The following ATXN10 variants were observed in gnomAD, a reference collection of about 807,000 sequenced individuals.
ATXN10 encodes ataxin 10, also known as ataxin-10.
A neutral mutation model predicts 52.9 loss-of-function variants in ATXN10; 28 were observed. The ratio of observed to expected loss-of-function variants is 0.53; its 90% CI spans 0.39 to 0.73. ATXN10 has a LOEUF of 0.73. Among genes scored for constraint, ATXN10 ranks in the 30% least tolerant of loss-of-function variants. The pLI is 0.00. For synonymous variants in ATXN10, 226 were observed against 221.5 expected (o/e 1.02, Z -0.18); for missense variants, 565 against 577.0 (o/e 0.98, Z 0.21).
At position 45,681,361 on chromosome 22, in the gene ATXN10, C is replaced by A. The variant is rs1179305723; in HGVS notation, c.117-8351C>A. On this transcript the variant is annotated intron_variant, in intron 1 of 11. Coordinates refer to ENST00000252934, the MANE Select transcript of ATXN10 (RefSeq NM_013236.4). The surrounding 1 kb of genome is among the most constrained non-coding windows in gnomAD (Gnocchi z 4.2). ...TGCCTTCCCCCACAATCTCGAGTCC[C>A]AATCCCTGTTTTATCTTCTCTTTAG... Among the ~76,000 whole-genome samples, 1 of 152,122 alleles carries A rather than the reference C, an allele frequency of 6.6e-6. No individual in the cohort carries two copies. Among genetic ancestry groups the A allele is most frequent in the African/African-American group, 2.4e-5 (1 of 41,422 alleles).
Position 45,750,771 on chromosome 22 carries a change from T to C in ATXN10, c.1173+10233T>C, listed in dbSNP as rs766419945. Among the ~76,000 whole-genome samples, 4 of 152,298 alleles carry C rather than the reference T, an allele frequency of 2.6e-5. No individual in the cohort carries two copies. The highest frequency in any genetic ancestry group is 2.0e-4 in the Admixed American group (3 of 15,298). On this transcript the variant is annotated intron_variant, in intron 9 of 11. Coordinates refer to ENST00000252934, the MANE Select transcript of ATXN10 (RefSeq NM_013236.4). This position sits in a 1 kb window ranked among gnomAD's most constrained non-coding sequence, Gnocchi z 4.2. The stretch of plus-strand genomic sequence containing the variant: ...TTCCAAACAGACCCAGGAGAAGTTA[T>C]ACGAATTTACCATGTGATAAGGATA...
chr22:45,804,675 A>G (rs1928040245), intron 9 of ATXN10, among the ~76,000 whole-genome samples: 1 of 152,264 alleles, frequency 6.6e-6, no homozygotes, highest in Non-Finnish European at 1.5e-5. Flanking sequence ...ACTTTATTTT[A>G]TATTTCATTA....
At position 45,681,601 on chromosome 22, in the gene ATXN10, T is replaced by C. The variant is rs1249877103; in HGVS notation, c.117-8111T>C. On this transcript the variant is annotated intron_variant, in intron 1 of 11. Coordinates refer to ENST00000252934, the MANE Select transcript of ATXN10 (RefSeq NM_013236.4). The surrounding 1 kb of genome is among the most constrained non-coding windows in gnomAD (Gnocchi z 4.2). ...TCTAAACTTTGTTATGTTTGCCTGG[T>C]AAAACTCCAGCTCTGGTCAAATCCA... Among the ~76,000 whole-genome samples the C allele has an allele frequency of 1.3e-5, 2 of 152,196 alleles. No homozygotes were observed. The highest frequency in any genetic ancestry group is 3.8e-4 in the East Asian group (2 of 5,198).
In ATXN10 at chr22:45,844,700, T is replaced by C. The variant is rs548291160; in HGVS notation, c.*1029T>C. On this transcript the variant is annotated 3_prime_UTR_variant, in exon 12 of 12. Coordinates refer to ENST00000252934, the MANE Select transcript of ATXN10 (RefSeq NM_013236.4). ...AAAGCTCTAGGGGGAGGTCACGTTG[T>C]GAATGCTTAAAACATATTATTTTCT... The C allele has an allele frequency of 1.3e-5, 2 of 152,342 alleles. No homozygotes were observed. The allele number at this position is 152,342 out of a possible 1,614,324, so 9.4% of individuals were successfully genotyped here. A position where few individuals can be genotyped will look rare whatever the true frequency, so the allele number is the denominator to read the frequency against.
In ATXN10 at chr22:45,726,424, C is replaced by A. The variant is rs967261152; in HGVS notation, c.729-3001C>A. Among the ~76,000 whole-genome samples the A allele has an allele frequency of 2.0e-5, 3 of 152,224 alleles. No individual in the cohort carries two copies. The South Asian group carries it at 6.2e-4, about 32-fold the overall frequency. On this transcript the variant is annotated intron_variant, in intron 6 of 11. Transcript: ENST00000252934. ...GTTTCCAGAGATTTGTTCATTTCCT[C>A]TAAATTTTCTTGTTTGTTTGCACAA... is the stretch of plus-strand genomic sequence containing the variant.
At chr22:45,679,615 A>G (rs1395686233) in intron 1 of ATXN10, 1 of 152,250 alleles carries the variant, frequency 6.6e-6, no homozygotes, top group African/African-American at 2.4e-5. Context: ...CCCAAAAAAC[A>G]AAAACCCACA....
Position 45,823,054 on chromosome 22 carries a change from T to A in ATXN10, c.1237+16032T>A, listed in dbSNP as rs1928703776. 14 of 388,042 alleles carry A rather than the reference T, an allele frequency of 3.6e-5. No individual in the cohort carries two copies. Among genetic ancestry groups the A allele is most frequent in the South Asian group, 2.8e-4 (14 of 50,272 alleles). The allele number at this position is 388,042 out of a possible 1,614,324, so 24.0% of individuals were successfully genotyped here. A position where few individuals can be genotyped will look rare whatever the true frequency, so the allele number is the denominator to read the frequency against. ...TCCTCATGGTGTCTTATTATTTCAT[T>A]GAGGTATAACTTAAATAGAGTAAAC... On this transcript the variant is annotated intron_variant, in intron 10 of 11. Coordinates refer to ENST00000252934, the MANE Select transcript of ATXN10 (RefSeq NM_013236.4). The surrounding 1 kb of genome is among the most constrained non-coding windows in gnomAD (Gnocchi z 4.9).
At chr22:45,756,423 C>T (rs1184081657) in intron 9 of ATXN10, among the ~76,000 whole-genome samples, 1 of 151,686 alleles carries the variant, frequency 6.6e-6, no homozygotes, top group East Asian at 2.0e-4. Context: ...GAATTATAGG[C>T]ATGAGCCACC....
rs1035423990 is a variant in ATXN10 at position 45,786,647 on chromosome 22, T to C, written c.1174-20312T>C. On this transcript the variant is annotated intron_variant, in intron 9 of 11. Transcript: ENST00000252934. The surrounding 1 kb of genome is among the most constrained non-coding windows in gnomAD (Gnocchi z 4.1). ...GCAAAACTTGTACTATTAAATGCCT[T>C]TATCTCATAAAATCTTAATTTATAA... Among the ~76,000 whole-genome samples, 1 of 152,226 alleles carries C rather than the reference T, an allele frequency of 6.6e-6. No individual in the cohort carries two copies. The highest frequency in any genetic ancestry group is 2.4e-5 in the African/African-American group (1 of 41,452).
intron 10 of ATXN10, among the ~76,000 whole-genome samples, chr22:45,834,594 TCACACCTCCCTTTCA>T: frequency 6.6e-6 from 1 of 152,226 alleles, no homozygotes; most frequent in South Asian, 2.1e-4. Context: ...ATTTATTAAA[TCACACCTCCCTTTCA>T]GCCCAGATCT....
At position 45,790,703 on chromosome 22, in the gene ATXN10, TCA is replaced by T. The variant is rs1021087533; in HGVS notation, c.1174-16253_1174-16252del. Among the ~76,000 whole-genome samples the T allele has an allele frequency of 6.6e-6, 1 of 152,248 alleles. No individual in the cohort carries two copies. Among genetic ancestry groups the T allele is most frequent in the Non-Finnish European group, 1.5e-5 (1 of 68,044 alleles). On this transcript the variant is annotated intron_variant, in intron 9 of 11. Transcript: ENST00000252934. This position sits in a 1 kb window ranked among gnomAD's most constrained non-coding sequence, Gnocchi z 4.7. ...CTCTCATGGGTTTTGTAGGACCCAA[TCA>T]CAGTTTCTGTTCAAATAGCCACTGA... is the stretch of plus-strand genomic sequence containing the variant.
At chr22:45,693,191 G>C (rs934520385) in intron 3 of ATXN10, 113 bp downstream of exon 3, 24 of 886,820 alleles carry the variant, frequency 2.7e-5, no homozygotes, top group Non-Finnish European at 3.1e-5. Context: ...TCATGAGATA[G>C]GGAAACTTTA....
At chr22:45,738,232 AC>A (rs754473158) in intron 7 of ATXN10, among the ~76,000 whole-genome samples, 39 of 152,310 alleles carry the variant, frequency 2.6e-4, no homozygotes, top group Non-Finnish European at 5.0e-4. Flanking sequence ...GTTCATATTT[AC>A]CCAGAAATTA....
intron 9 of ATXN10, among the ~76,000 whole-genome samples, chr22:45,768,791 C>G (rs1371409255): frequency 6.6e-6 from 1 of 152,198 alleles, no homozygotes; most frequent in Non-Finnish European, 1.5e-5. Flanking sequence ...CTGATTTGAA[C>G]AAACCAGTTG....
rs1209002972 is a variant in ATXN10 at position 45,733,340 on chromosome 22, G to A, written c.894+3750G>A. Among the ~76,000 whole-genome samples, 1 of 152,126 alleles carries A rather than the reference G, an allele frequency of 6.6e-6. No homozygotes were observed. Among genetic ancestry groups the A allele is most frequent in the East Asian group, 1.9e-4 (1 of 5,190 alleles). ...TAATACATATTCTACAATAAATAGT[G>A]TATTTTTTCCACATATTAAGGGCTT... On this transcript the variant is annotated intron_variant, in intron 7 of 11. Transcript: ENST00000252934. The surrounding 1 kb of genome is among the most constrained non-coding windows in gnomAD (Gnocchi z 4.4).
chr22:45,769,839 T>C lies in ATXN10; in HGVS notation c.1173+29301T>C, dbSNP rs1328182539. 6.6e-6 allele frequency among the ~76,000 whole-genome samples: 1 copy of C among 152,194 alleles called. No homozygotes were observed. The highest frequency in any genetic ancestry group is 2.4e-5 in the African/African-American group (1 of 41,452). ...TAGAGTGTGATCTGAACAAAAACTC[T>C]TAAGAGTGTCAGGAAGTTAAAAAAT... On this transcript the variant is annotated intron_variant, in intron 9 of 11. Coordinates refer to ENST00000252934, the MANE Select transcript of ATXN10 (RefSeq NM_013236.4). This position sits in a 1 kb window ranked among gnomAD's most constrained non-coding sequence, Gnocchi z 4.2.
At chr22:45,740,895 A>G (rs1178720335) in intron 9 of ATXN10, 2 of 157,432 alleles carry the variant, frequency 1.3e-5, no homozygotes, top group African/African-American at 4.8e-5. Flanking sequence ...TCCTATGTTT[A>G]TGGACGATAG....
intron 5 of ATXN10, among the ~76,000 whole-genome samples, chr22:45,709,665 C>G (rs765570592): frequency 1.3e-5 from 2 of 152,260 alleles, no homozygotes; most frequent in Middle Eastern, 6.8e-3. Context: ...GCTTTAAATA[C>G]CTCTTCTAAA....
Position 45,671,951 on chromosome 22 carries a change from G to A in ATXN10, c.-113G>A, listed in dbSNP as rs1360769208. On this transcript the variant is annotated 5_prime_UTR_variant, in exon 1 of 12. Coordinates refer to ENST00000252934, the MANE Select transcript of ATXN10 (RefSeq NM_013236.4). ...GGCGGCGGTTAGGGCTGTGTAGGGC[G>A]AGGCCTCCCCCTTCCTCCTCGCCAT... 1.6e-6 allele frequency: 2 copies of A among 1,241,266 alleles called. No individual in the cohort carries two copies. The highest frequency in any genetic ancestry group is 2.2e-6 in the Non-Finnish European group (2 of 898,926). The allele number at this position is 1,241,266 out of a possible 1,614,324, so 76.9% of individuals were successfully genotyped here. A position where few individuals can be genotyped will look rare whatever the true frequency, so the allele number is the denominator to read the frequency against.
Sources: allele counts gnomAD v4.1 joint callset (sites outside exome capture counted in the v4.1 genomes callset), GRCh38; gene constraint gnomAD v4.1.1; non-coding constraint Gnocchi (gnomAD v3.1); transcripts MANE v1.5; gene names NCBI Gene and HGNC (gene_info 2026-07-23, HGNC 2026-07-21).